ARMC2: variants seen among roughly 807,000 people sequenced by gnomAD.
ARMC2 encodes the protein armadillo repeat containing 2.
Under a neutral mutation model 90.3 loss-of-function variants are expected in ARMC2, and 67 were observed. The observed-to-expected ratio is 0.74, with a 90% CI of 0.61 to 0.91. ARMC2 has a LOEUF of 0.91. ARMC2 is among the 40% of genes least tolerant of loss of function. ARMC2 has a pLI of 0.00. For synonymous variants in ARMC2, 393 were observed against 393.0 expected (o/e 1.00, Z 0.00); for missense variants, 920 against 1,030.9 (o/e 0.89, Z 1.47).
At chr6:109,024,066 C>T in the ARMC2 span, among the ~76,000 whole-genome samples, 1 of 151,926 alleles carries the variant, frequency 6.6e-6, no homozygotes, top group Non-Finnish European at 1.5e-5. Flanking sequence ...AGCAACATTT[C>T]ATTATATCTC....
At chr6:108,880,168 C>T in intron 5 of ARMC2, 1 of 356,670 alleles carries the variant, frequency 2.8e-6, no homozygotes, top group South Asian at 2.2e-5. Context: ...ATGAAGCAAA[C>T]TTTACACTGC....
At chr6:108,907,480 C>CAAT (rs1772882054) in intron 8 of ARMC2, 1 of 374,186 alleles carries the variant, frequency 2.7e-6, no homozygotes, top group East Asian at 4.0e-5. Context: ...TTTTTTTTAC[C>CAAT]AGTCATCTTT....
the ARMC2 span, among the ~76,000 whole-genome samples, chr6:109,034,583 C>T: frequency 6.6e-6 from 1 of 152,208 alleles, no homozygotes; most frequent in African/African-American, 2.4e-5. Context: ...TAGCTGGGCA[C>T]ATTGCCACTG....
chr6:109,000,576 T>C, the ARMC2 span: 2 of 1,612,322 alleles, frequency 1.2e-6, no homozygotes, highest in African/African-American at 2.7e-5. Context: ...TTGAGGAGCA[T>C]TCTCTAAACC....
Position 108,928,222 on chromosome 6 carries a change from C to A in ARMC2, c.1485C>A (p.Ala495=). 6.5e-7 allele frequency: 1 copy of A among 1,538,164 alleles called. No homozygotes were observed. The highest frequency in any genetic ancestry group is 8.7e-7 in the Non-Finnish European group (1 of 1,143,052). Residue 495 remains alanine (A), a synonymous_variant, in exon 11 of 18, where the codon GCC becomes GCA. Coordinates refer to ENST00000392644, the MANE Select transcript of ARMC2 (RefSeq NM_032131.6). ...ACAAGGACGTCTGTACCAATATTGC[C>A]AGAATATTCAGGTAGGTAGACTAAG... ...KGDKDVCTNI[A]RIFSKLTSYR...
At chr6:108,976,029 G>T (rs1480512431), downstream of ARMC2, among the ~76,000 whole-genome samples, 1 of 152,010 alleles carries the variant, frequency 6.6e-6, no homozygotes, top group Non-Finnish European at 1.5e-5. Context: ...GTCAATTTTG[G>T]CTTTTGTTGC....
chr6:108,988,318 A>T, the ARMC2 span: 1 of 391,110 alleles, frequency 2.6e-6, no homozygotes, highest in Admixed American at 4.5e-5. Flanking sequence ...CCATGCCAGC[A>T]CTTCTGAAGA....
chr6:109,006,398 A>G, the ARMC2 span, among the ~76,000 whole-genome samples: 8 of 151,908 alleles, frequency 5.3e-5, no homozygotes, highest in Non-Finnish European at 7.4e-5. Flanking sequence ...TGCTGCACCC[A>G]TTAACTTGTC....
At chr6:108,939,683 A>G (rs2806355) in intron 12 of ARMC2, among the ~76,000 whole-genome samples, 87,607 of 152,058 alleles carry the variant, frequency 0.58, 25,881 homozygotes, top group East Asian at 0.88. Flanking sequence ...GTAGCAATGC[A>G]AGAACAGACT....
the ARMC2 span, among the ~76,000 whole-genome samples, chr6:109,028,433 C>A: frequency 2.6e-5 from 4 of 152,024 alleles, no homozygotes; most frequent in Non-Finnish European, 5.9e-5. Flanking sequence ...TCACAGGGAC[C>A]AAATTTGACC....
At chr6:109,009,545 G>T in the ARMC2 span, 1 of 1,037,112 alleles carries the variant, frequency 9.6e-7, no homozygotes, top group Non-Finnish European at 1.1e-6. Flanking sequence ...GCCTCAGTCA[G>T]CACGGACGGC....
intron 11 of ARMC2, among the ~76,000 whole-genome samples, chr6:108,931,226 A>G (rs547092924): frequency 6.6e-6 from 1 of 152,032 alleles, no homozygotes; most frequent in Admixed American, 6.5e-5. Context: ...CTCCAGGTCC[A>G]TCCATGTTCA....
chr6:109,013,415 A>G, the ARMC2 span, among the ~76,000 whole-genome samples: 2 of 152,160 alleles, frequency 1.3e-5, no homozygotes, highest in Non-Finnish European at 2.9e-5. Context: ...GAGGGAGGCA[A>G]TCATGCCTCA....
intron 11 of ARMC2, among the ~76,000 whole-genome samples, chr6:108,933,477 G>T (rs1267035572): frequency 6.6e-6 from 1 of 152,044 alleles, no homozygotes; most frequent in Non-Finnish European, 1.5e-5. Flanking sequence ...TGAGACTGTG[G>T]GGTTTTCTAG....
At chr6:108,867,115 T>C (rs1312701203) in intron 3 of ARMC2, among the ~76,000 whole-genome samples, 1 of 152,224 alleles carries the variant, frequency 6.6e-6, no homozygotes, top group Non-Finnish European at 1.5e-5. Flanking sequence ...GAAGTGACTT[T>C]AGGAATGTTA....
intron 2 of ARMC2, among the ~76,000 whole-genome samples, chr6:108,856,965 T>C (rs1774693527): frequency 6.6e-6 from 1 of 152,240 alleles, no homozygotes; most frequent in Non-Finnish European, 1.5e-5. Flanking sequence ...GTCTTTATTA[T>C]TGTAGCTTTA....
intron 1 of ARMC2, among the ~76,000 whole-genome samples, chr6:108,850,044 G>A (rs1271369508): frequency 1.3e-5 from 2 of 152,212 alleles, no homozygotes; most frequent in Non-Finnish European, 2.9e-5. Flanking sequence ...GTGCAGTGTT[G>A]CATTTAGCAA....
At chr6:108,859,428 A>G (rs1774986135) in intron 3 of ARMC2, among the ~76,000 whole-genome samples, 1 of 152,166 alleles carries the variant, frequency 6.6e-6, no homozygotes, top group South Asian at 2.1e-4. Flanking sequence ...TTCTTGAGAA[A>G]GGGTACATGG....
intron 10 of ARMC2, among the ~76,000 whole-genome samples, chr6:108,926,112 G>A (rs1488066089): frequency 6.6e-6 from 1 of 152,156 alleles, no homozygotes; most frequent in Admixed American, 6.5e-5. Context: ...TGTGGGGAGC[G>A]TGAAGATGAC....
Sources: allele counts gnomAD v4.1 joint callset (sites outside exome capture counted in the v4.1 genomes callset), GRCh38; gene constraint gnomAD v4.1.1; transcripts MANE v1.5; gene names NCBI Gene and HGNC (gene_info 2026-07-23, HGNC 2026-07-21).